BANK1: variants seen among roughly 807,000 people sequenced by gnomAD.
The protein encoded by BANK1 is B-cell scaffold protein with ankyrin repeats.
BANK1 carries 95 observed loss-of-function variants against 94.5 expected under a neutral mutation model. The observed-to-expected ratio is 1.00, with a 90% CI of 0.85 to 1.19. BANK1 has a LOEUF of 1.19. BANK1 is among the 50% of genes most tolerant of loss of function. BANK1 has a pLI of 0.00. For missense variants in BANK1, 987 were observed against 932.2 expected (o/e 1.06, Z -0.77); for synonymous variants, 334 against 308.4 (o/e 1.08, Z -0.87).
chr4:101,856,374 G>A (rs1302976692), intron 3 of BANK1, among the ~76,000 whole-genome samples: 4 of 125,488 alleles, frequency 3.2e-5, no homozygotes, highest in Non-Finnish European at 6.7e-5. Flanking sequence ...AAATTACAAG[G>A]GCTCAGAACT....
At chr4:101,983,797 TC>T (rs996693405) in intron 7 of BANK1, among the ~76,000 whole-genome samples, 2 of 152,098 alleles carry the variant, frequency 1.3e-5, no homozygotes, top group African/African-American at 4.8e-5. Flanking sequence ...CTTCAAAGCC[TC>T]CCCAAATTAG....
At chr4:102,008,942 C>T (rs1726395153) in intron 7 of BANK1, among the ~76,000 whole-genome samples, 1 of 152,316 alleles carries the variant, frequency 6.6e-6, no homozygotes, top group Middle Eastern at 3.4e-3. Context: ...AACAGGGAAG[C>T]CTGAAGTCAT....
intron 7 of BANK1, among the ~76,000 whole-genome samples, chr4:101,928,721 A>G (rs554164053): frequency 3.5e-4 from 53 of 151,802 alleles, no homozygotes; most frequent in African/African-American, 1.2e-3. Context: ...GAGAATGCCA[A>G]TTATCCAGTC....
chr4:101,935,964 A>C (rs1450019477), intron 7 of BANK1, among the ~76,000 whole-genome samples: 1 of 151,446 alleles, frequency 6.6e-6, no homozygotes, highest in East Asian at 1.9e-4. Context: ...GAATCTATTA[A>C]AAGAAAACAT....
intron 7 of BANK1, among the ~76,000 whole-genome samples, chr4:101,980,213 C>T (rs1238909241): frequency 1.3e-5 from 2 of 151,794 alleles, no homozygotes; most frequent in Admixed American, 1.3e-4. Context: ...GAAAATTACT[C>T]AAGAGACTCT....
intron 7 of BANK1, among the ~76,000 whole-genome samples, chr4:101,954,496 A>G (rs1410580393): frequency 1.3e-5 from 2 of 152,144 alleles, no homozygotes; most frequent in Non-Finnish European, 2.9e-5. Context: ...AAAAGGTGGT[A>G]GTAAACCCCA....
intron 10 of BANK1, among the ~76,000 whole-genome samples, chr4:102,043,629 T>A (rs1727775869): frequency 6.6e-6 from 1 of 152,072 alleles, no homozygotes; most frequent in African/African-American, 2.4e-5. Context: ...TATACTACTC[T>A]GCTCAATGAA....
At chr4:102,023,630 C>T (rs1018001953) in intron 8 of BANK1, among the ~76,000 whole-genome samples, 7 of 152,148 alleles carry the variant, frequency 4.6e-5, no homozygotes, top group African/African-American at 1.7e-4. Context: ...TACAACAAAG[C>T]ATGCTAAAAC....
chr4:102,021,605 A>G lies in BANK1; in HGVS notation c.1285+13A>G. 2 of 1,066,266 alleles carry G rather than the reference A, an allele frequency of 1.9e-6. No homozygotes were observed. Among genetic ancestry groups the G allele is most frequent in the Non-Finnish European group, 2.7e-6 (2 of 751,136 alleles). 66.1% of individuals were successfully genotyped at this position (1,066,266 alleles called of 1,614,324 possible). A position where few individuals can be genotyped will look rare whatever the true frequency, so the allele number is the denominator to read the frequency against. ...ACATATATTCCTTGTAAGTTTTTCC[A>G]TGTTATATATATATATGACATATTC... On this transcript the variant is annotated intron_variant, in intron 8 of 16. Coordinates refer to ENST00000322953, the MANE Select transcript of BANK1 (RefSeq NM_017935.5).
intron 1 of BANK1, among the ~76,000 whole-genome samples, chr4:101,792,785 C>G (rs1203147330): frequency 6.6e-6 from 1 of 152,070 alleles, no homozygotes; most frequent in Non-Finnish European, 1.5e-5. Flanking sequence ...ATACTGCCAT[C>G]AGAGATTTAT....
chr4:101,870,699 G>T, intron 5 of BANK1, 55 bp downstream of exon 5: 2 of 1,533,406 alleles, frequency 1.3e-6, no homozygotes, highest in East Asian at 2.3e-5. Context: ...AGCTAATGAA[G>T]GATAAGAGGA....
chr4:101,797,746 C>A (rs765268842), intron 1 of BANK1, among the ~76,000 whole-genome samples: 2 of 152,098 alleles, frequency 1.3e-5, no homozygotes, highest in African/African-American at 2.4e-5. Flanking sequence ...AATGTCATTT[C>A]AATTTCAGAT....
chr4:101,927,432 A>G (rs562514043), intron 7 of BANK1, among the ~76,000 whole-genome samples: 3 of 151,770 alleles, frequency 2.0e-5, no homozygotes, highest in South Asian at 2.1e-4. Flanking sequence ...ATCAGGCATC[A>G]TATGATTTAA....
intron 2 of BANK1, among the ~76,000 whole-genome samples, chr4:101,848,204 TG>T (rs556447332): frequency 7.9e-5 from 12 of 151,704 alleles, no homozygotes; most frequent in South Asian, 4.2e-4. Context: ...CTCATAGTTT[TG>T]GGGGGGGTCT....
At chr4:101,936,282 T>C (rs1026249385) in intron 7 of BANK1, among the ~76,000 whole-genome samples, 13 of 150,436 alleles carry the variant, frequency 8.6e-5, no homozygotes, top group African/African-American at 2.9e-4. Flanking sequence ...CATGTATATG[T>C]ACACATATAT....
chr4:102,057,351 G>C lies in BANK1; in HGVS notation c.1970-2860G>C, dbSNP rs183650240. ...CTCTCTCTCTCTTTCTCTCTCTCTCGCTTTCTCTCTCTCTCTCTTTTTTTT... is the reference window on the plus strand; with the variant it reads ...CTCTCTCTCTCTTTCTCTCTCTCTCCCTTTCTCTCTCTCTCTCTTTTTTTT... On this transcript the variant is annotated intron_variant, in intron 11 of 16. Coordinates refer to ENST00000322953, the MANE Select transcript of BANK1 (RefSeq NM_017935.5). Among the ~76,000 whole-genome samples, 846 of 115,302 alleles carry C rather than the reference G, an allele frequency of 7.3e-3. 24 individuals carry two copies. The East Asian group carries it at 0.079, about 11-fold the overall frequency. 75.6% of individuals were successfully genotyped at this position (115,302 alleles called of 152,430 possible).
intron 5 of BANK1, among the ~76,000 whole-genome samples, chr4:101,887,170 C>G (rs1728888947): frequency 2.0e-5 from 3 of 152,128 alleles, no homozygotes; most frequent in Admixed American, 6.5e-5. Flanking sequence ...CTTCTTGTAC[C>G]ATGAAGATGA....
intron 1 of BANK1, among the ~76,000 whole-genome samples, chr4:101,796,559 A>G (rs1245245115): frequency 1.3e-5 from 2 of 152,170 alleles, no homozygotes; most frequent in Non-Finnish European, 2.9e-5. Flanking sequence ...TGCCTTTATT[A>G]GTGAAATTTG....
Position 101,918,204 on chromosome 4 carries a change from TAA to T in BANK1, c.1206+17_1206+18del, listed in dbSNP as rs113138818. The T allele has an allele frequency of 1.5e-6, 2 of 1,366,900 alleles. No homozygotes were observed. Among genetic ancestry groups the T allele is most frequent in the Admixed American group, 2.1e-5 (1 of 47,976 alleles). 84.7% of individuals were successfully genotyped at this position (1,366,900 alleles called of 1,614,324 possible). A position where few individuals can be genotyped will look rare whatever the true frequency, so the allele number is the denominator to read the frequency against. On this transcript the variant is annotated intron_variant, in intron 7 of 16. Coordinates refer to ENST00000322953, the MANE Select transcript of BANK1 (RefSeq NM_017935.5). The stretch of plus-strand genomic sequence containing the variant: ...AAGACTTTTCAGTAAGTTTTTTTTT[TAA>T]ATTATATCTCTGTATATTCTGTTTG...
Sources: gnomAD v4.1 joint callset for allele counts (sites outside exome capture counted in the v4.1 genomes callset) on GRCh38, gnomAD v4.1.1 for gene constraint, MANE v1.5 for transcripts, NCBI Gene and HGNC (gene_info 2026-07-23, HGNC 2026-07-21) for gene names.